The following THRB variants were observed in gnomAD, a reference collection of about 807,000 sequenced individuals.
The protein encoded by THRB is thyroid hormone receptor beta.
THRB carries 12 observed loss-of-function variants against 47.8 expected under a neutral mutation model. The ratio of observed to expected loss-of-function variants is 0.25; its 90% confidence interval spans 0.16 to 0.41. The LOEUF (loss-of-function observed/expected upper bound fraction) is 0.41, where lower values mean the gene tolerates loss of function less well. Among genes scored for constraint, THRB ranks in the 10% least tolerant of loss-of-function variants. The pLI is 1.00. For synonymous variants in THRB, 218 were observed against 212.2 expected, an observed-to-expected ratio of 1.03 and a Z score of -0.24; for missense variants, 348 against 589.2, an observed-to-expected ratio of 0.59 and a Z score of 4.24.
intron 2 of THRB, among the ~76,000 whole-genome samples, chr3:24,312,717 G>A (rs1418437600): frequency 6.6e-6 from 1 of 152,188 alleles, no homozygotes; most frequent in Admixed American, 6.5e-5. Context: ...GTGAGGGGGA[G>A]AAGAAGAGGG....
chr3:24,180,588 TA>T lies in THRB; in HGVS notation c.283+9485del, dbSNP rs2041769205. Among the ~76,000 whole-genome samples, 4 of 152,356 alleles carry T rather than the reference TA, an allele frequency of 2.6e-5. No individual in the cohort carries two copies. In the South Asian group the frequency reaches 8.3e-4, roughly 32 times the overall value. On this transcript the variant is annotated intron_variant, in intron 5 of 10. Transcript: ENST00000646209. ...CTGGACCTTGGAGAATTTCTGACTC[TA>T]ATCTTACTTGAAAAGCTCAGCTGTT...
At chr3:24,466,733 T>C (rs951168009) in intron 1 of THRB, among the ~76,000 whole-genome samples, 2 of 152,210 alleles carry the variant, frequency 1.3e-5, no homozygotes, top group African/African-American at 2.4e-5. Flanking sequence ...AAAAATAATG[T>C]ATATACCTTA....
intron 2 of THRB, among the ~76,000 whole-genome samples, chr3:24,326,755 T>C (rs1466597603): frequency 1.5e-5 from 2 of 135,670 alleles, no homozygotes; most frequent in Admixed American, 7.8e-5. Flanking sequence ...TCCAGTCTTG[T>C]CTTTTTTTTT....
intron 1 of THRB, among the ~76,000 whole-genome samples, chr3:24,452,223 A>T (rs567774796): frequency 2.5e-4 from 38 of 152,276 alleles, no homozygotes; most frequent in African/African-American, 9.1e-4. Flanking sequence ...TTATTTTACC[A>T]TGGGTATTTG....
chr3:24,287,326 T>C (rs80284034), intron 3 of THRB, among the ~76,000 whole-genome samples: 2 of 152,228 alleles, frequency 1.3e-5, no homozygotes, highest in African/African-American at 4.8e-5. Flanking sequence ...TAGGTCTTGA[T>C]TGATCAAAAA....
chr3:24,193,350 G>T (rs1414074608), intron 4 of THRB, among the ~76,000 whole-genome samples: 1 of 152,156 alleles, frequency 6.6e-6, no homozygotes, highest in African/African-American at 2.4e-5. Context: ...TTTGGATAGG[G>T]TGTGGGCATG....
At chr3:24,279,049 T>C (rs987981196) in intron 3 of THRB, among the ~76,000 whole-genome samples, 1 of 152,088 alleles carries the variant, frequency 6.6e-6, no homozygotes, top group African/African-American at 2.4e-5. Flanking sequence ...CTCACTATAT[T>C]GCCTAGGCTG....
At chr3:24,485,144 C>T (rs967162385) in intron 1 of THRB, among the ~76,000 whole-genome samples, 1 of 152,152 alleles carries the variant, frequency 6.6e-6, no homozygotes, top group Non-Finnish European at 1.5e-5. Flanking sequence ...AAACACGTTC[C>T]TGTCAGACAG....
At chr3:24,435,925 T>A (rs1480943219) in intron 1 of THRB, among the ~76,000 whole-genome samples, 1 of 152,126 alleles carries the variant, frequency 6.6e-6, no homozygotes, top group Non-Finnish European at 1.5e-5. Context: ...GCCGCTTAAG[T>A]GACTAGAGAA....
intron 9 of THRB, among the ~76,000 whole-genome samples, chr3:24,132,785 G>A (rs1160148887): frequency 1.3e-5 from 2 of 152,208 alleles, no homozygotes; most frequent in African/African-American, 4.8e-5. Context: ...TCTATGAGGG[G>A]CATTTAACTT....
intron 3 of THRB, among the ~76,000 whole-genome samples, chr3:24,267,790 C>T (rs575426679): frequency 2.0e-5 from 3 of 152,284 alleles, no homozygotes; most frequent in Admixed American, 1.3e-4. Flanking sequence ...CACTTGCCCA[C>T]GCTGCTTTTG....
At chr3:24,160,127 G>C (rs2038567744) in intron 5 of THRB, among the ~76,000 whole-genome samples, 1 of 152,184 alleles carries the variant, frequency 6.6e-6, no homozygotes, top group African/African-American at 2.4e-5. Flanking sequence ...CCACCAGGGT[G>C]TGGCTGGCAG....
chr3:24,241,532 ACCCT>A, intron 3 of THRB, among the ~76,000 whole-genome samples: 1 of 152,052 alleles, frequency 6.6e-6, no homozygotes, highest in Non-Finnish European at 1.5e-5. Flanking sequence ...GCCTCTTGTC[ACCCT>A]TCCTTGGATG....
intron 1 of THRB, among the ~76,000 whole-genome samples, chr3:24,480,538 A>G (rs188189532): frequency 1.3e-5 from 2 of 152,334 alleles, no homozygotes; most frequent in South Asian, 2.1e-4. Context: ...CAATGTCCCT[A>G]AAGTCAAACT....
chr3:24,488,833 G>A (rs1208610828), intron 1 of THRB, among the ~76,000 whole-genome samples: 1 of 152,128 alleles, frequency 6.6e-6, no homozygotes, highest in Non-Finnish European at 1.5e-5. Context: ...ACATAAAGTG[G>A]TAAGATGATA....
At chr3:24,317,045 A>G (rs2058165715) in intron 2 of THRB, among the ~76,000 whole-genome samples, 1 of 152,176 alleles carries the variant, frequency 6.6e-6, no homozygotes, top group Admixed American at 6.5e-5. Context: ...TCTGGGGCAA[A>G]GGTGTCACTG....
intron 2 of THRB, among the ~76,000 whole-genome samples, chr3:24,317,616 A>C (rs995538357): frequency 6.6e-6 from 1 of 152,028 alleles, no homozygotes; most frequent in East Asian, 1.9e-4. Flanking sequence ...AAGGCATACA[A>C]AACACAACAC....
At chr3:24,284,287 A>T (rs2054984688) in intron 3 of THRB, among the ~76,000 whole-genome samples, 1 of 151,880 alleles carries the variant, frequency 6.6e-6, no homozygotes, top group Non-Finnish European at 1.5e-5. Context: ...CATATCTACA[A>T]CTATCTGATC....
At chr3:24,335,930 TGAA>T (rs2062220470) in intron 2 of THRB, among the ~76,000 whole-genome samples, 1 of 152,184 alleles carries the variant, frequency 6.6e-6, no homozygotes, top group Non-Finnish European at 1.5e-5. Flanking sequence ...TGAGGTGGGA[TGAA>T]GAAGAGGCTG....
Sources: gnomAD v4.1 joint callset for allele counts (sites outside exome capture counted in the v4.1 genomes callset) on GRCh38, gnomAD v4.1.1 for gene constraint, MANE v1.5 for transcripts, NCBI Gene and HGNC (gene_info 2026-07-23, HGNC 2026-07-21) for gene names.